The following DDX19A variants were observed in gnomAD, a reference collection of about 807,000 sequenced individuals.
DDX19A encodes DEAD-box helicase 19A.
DDX19A carries 12 observed loss-of-function variants against 60.6 expected under a neutral mutation model. The observed-to-expected ratio is 0.20, with a 90% CI of 0.13 to 0.32. DDX19A has a LOEUF of 0.32. Ranked by LOEUF, DDX19A falls within the 10% of genes least tolerant of loss-of-function variation. DDX19A has a pLI of 1.00. For missense variants in DDX19A, 337 were observed against 600.6 expected, an observed-to-expected ratio of 0.56 and a Z score of 4.59; for synonymous variants, 206 against 218.2, an observed-to-expected ratio of 0.94 and a Z score of 0.49.
At chr16:70,371,898 G>A (rs772821128) in intron 11 of DDX19A, 27 bp from the exon 12 acceptor site, 1 of 1,614,018 alleles carries the variant, frequency 6.2e-7, no homozygotes, top group Non-Finnish European at 8.5e-7. Flanking sequence ...CCTGGGCAGG[G>A]TAGAGACTTG....
chr16:70,352,283 C>CTTTTT (rs58812314), intron 2 of DDX19A, among the ~76,000 whole-genome samples: 2 of 135,340 alleles, frequency 1.5e-5, no homozygotes, highest in Non-Finnish European at 3.2e-5. Flanking sequence ...TCATCCATGT[C>CTTTTT]TTTTTTTTTT....
At chr16:70,352,105 C>T (rs774359467) in intron 2 of DDX19A, among the ~76,000 whole-genome samples, 1 of 152,084 alleles carries the variant, frequency 6.6e-6, no homozygotes, top group Non-Finnish European at 1.5e-5. Context: ...TAAGTAGCCA[C>T]TGTTCATGGA....
intron 4 of DDX19A, 38 bp from the exon 5 acceptor site, chr16:70,361,380 C>T (rs1485663440): frequency 6.9e-7 from 1 of 1,457,916 alleles, no homozygotes; most frequent in South Asian, 1.1e-5. Flanking sequence ...ACAATTCTAA[C>T]TTCTAGGCAT....
chr16:70,368,800 A>C (rs1035735030), intron 9 of DDX19A, among the ~76,000 whole-genome samples: 1 of 152,098 alleles, frequency 6.6e-6, no homozygotes, highest in Non-Finnish European at 1.5e-5. Flanking sequence ...AAGACTCCTA[A>C]ATCTAGAAGA....
At chr16:70,350,848 ATTAT>A (rs200007299) in intron 2 of DDX19A, among the ~76,000 whole-genome samples, 71,703 of 143,886 alleles carry the variant, frequency 0.5, 18,160 homozygotes, top group Admixed American at 0.57. Flanking sequence ...ATTTTGGCAA[ATTAT>A]TTATTTATTT....
chr16:70,372,008 G>A lies in DDX19A; in HGVS notation c.*22G>A. 2 of 1,613,992 alleles carry A rather than the reference G, an allele frequency of 1.2e-6. No individual in the cohort carries two copies. The highest frequency in any genetic ancestry group is 1.7e-6 in the Non-Finnish European group (2 of 1,179,862). On this transcript the variant is annotated 3_prime_UTR_variant, in exon 12 of 12. Coordinates refer to ENST00000302243, the MANE Select transcript of DDX19A (RefSeq NM_018332.5). Reference sequence around the variant, plus strand: ...CTGAGAAGCTCCACCAGCCACTGATGCCAGCCCTGGCACTGCCCCTGCACA... The same window carrying A: ...CTGAGAAGCTCCACCAGCCACTGATACCAGCCCTGGCACTGCCCCTGCACA...
At chr16:70,358,413 T>C (rs1026490450) in intron 4 of DDX19A, among the ~76,000 whole-genome samples, 34 of 151,752 alleles carry the variant, frequency 2.2e-4, no homozygotes, top group African/African-American at 8.0e-4. Flanking sequence ...CAAAGAGTCC[T>C]CCTGCCTCAG....
intron 10 of DDX19A, chr16:70,371,103 C>T (rs1964672245): frequency 3.3e-6 from 2 of 599,876 alleles, no homozygotes; most frequent in South Asian, 4.1e-5. Context: ...GGAGCCTACT[C>T]TTCCAGGGGC....
At chr16:70,356,360 T>A in intron 4 of DDX19A, 113 bp downstream of exon 4, 1 of 1,513,800 alleles carries the variant, frequency 6.6e-7, no homozygotes, top group Non-Finnish European at 8.9e-7. Context: ...GTGTATTTTT[T>A]CCTTTTTTTT....
At position 70,366,423 on chromosome 16, in the gene DDX19A, C is replaced by A. The variant is rs1000209904; in HGVS notation, c.782+161C>A. On this transcript the variant is annotated intron_variant, in intron 8 of 11. Transcript: ENST00000302243. The stretch of plus-strand genomic sequence containing the variant: ...TTCCATGTCAGCGCTGATCACAGTC[C>A]CTCCCAACCTGGGTTGAGAAAGGAG... 3 of 1,267,764 alleles carry A rather than the reference C, an allele frequency of 2.4e-6. No individual in the cohort carries two copies. The African/African-American group carries it at 4.5e-5, about 19-fold the overall frequency. The allele number at this position is 1,267,764 out of a possible 1,614,324, so 78.5% of individuals were successfully genotyped here.
intron 5 of DDX19A, chr16:70,363,666 T>C (rs1964435385): frequency 6.6e-6 from 1 of 151,978 alleles, no homozygotes; most frequent in African/African-American, 2.4e-5. Context: ...AGGTGGGGTT[T>C]CACCATGTTG....
At chr16:70,360,914 G>C (rs1001541409) in intron 4 of DDX19A, 4 of 162,042 alleles carry the variant, frequency 2.5e-5, no homozygotes, top group Non-Finnish European at 5.3e-5. Flanking sequence ...GCTATTTTTT[G>C]TATTTTTTTG....
chr16:70,372,021 C>A lies in DDX19A; in HGVS notation c.*35C>A. On this transcript the variant is annotated 3_prime_UTR_variant, in exon 12 of 12. Coordinates refer to ENST00000302243, the MANE Select transcript of DDX19A (RefSeq NM_018332.5). ...CCAGCCACTGATGCCAGCCCTGGCACTGCCCCTGCACAGGAGACAAGTGCA... is the reference window on the plus strand; with the variant it reads ...CCAGCCACTGATGCCAGCCCTGGCAATGCCCCTGCACAGGAGACAAGTGCA... The A allele has an allele frequency of 6.2e-7, 1 of 1,613,786 alleles. No homozygotes were observed. The highest frequency in any genetic ancestry group is 8.5e-7 in the Non-Finnish European group (1 of 1,179,654).
chr16:70,369,271 C>A (rs1250658480), intron 9 of DDX19A, among the ~76,000 whole-genome samples: 1 of 149,520 alleles, frequency 6.7e-6, no homozygotes, highest in African/African-American at 2.5e-5. Flanking sequence ...CCTCTGCCTC[C>A]CGGGTTCAAG....
rs112779389 is a variant in DDX19A, at chr16:70,356,091, C to T, written c.158-21C>T. 1,342 of 1,612,924 alleles carry T rather than the reference C, an allele frequency of 8.3e-4. 9 individuals carry two copies. In the African/African-American group the frequency reaches 0.014, roughly 16 times the overall value. ...GGGTTTGCCAGATGAGTATGAAGATCTACTGGTTTCTTCCTGACAGAGGAC... is the reference window on the plus strand; with the variant it reads ...GGGTTTGCCAGATGAGTATGAAGATTTACTGGTTTCTTCCTGACAGAGGAC... On this transcript the variant is annotated intron_variant, in intron 3 of 11. Transcript: ENST00000302243.
chr16:70,350,229 G>T (rs1272918503), intron 1 of DDX19A, among the ~76,000 whole-genome samples: 1 of 152,168 alleles, frequency 6.6e-6, no homozygotes, highest in Non-Finnish European at 1.5e-5. Flanking sequence ...CTCCAGCCTA[G>T]GTGACAGAGT....
chr16:70,354,921 C>A (rs976700902), intron 2 of DDX19A, among the ~76,000 whole-genome samples: 1 of 151,832 alleles, frequency 6.6e-6, no homozygotes, highest in Non-Finnish European at 1.5e-5. Context: ...AGGATCACTT[C>A]AGCTCAGGAG....
chr16:70,370,542 C>T (rs1964653220), intron 10 of DDX19A, 157 bp downstream of exon 10: 1 of 1,247,582 alleles, frequency 8.0e-7, no homozygotes, highest in Non-Finnish European at 1.1e-6. Context: ...TTGGATTTCC[C>T]TGAGGTGGTA....
chr16:70,372,435 C>G lies in DDX19A; in HGVS notation c.*449C>G. On this transcript the variant is annotated 3_prime_UTR_variant, in exon 12 of 12. Coordinates refer to ENST00000302243, the MANE Select transcript of DDX19A (RefSeq NM_018332.5). Reference sequence around the variant, plus strand: ...GTGGCAGCAGAGAGGCCAGAGCTGCCCCCTCTCTGTCTCTTCAATGGACCC... The same window carrying G: ...GTGGCAGCAGAGAGGCCAGAGCTGCGCCCTCTCTGTCTCTTCAATGGACCC... The G allele has an allele frequency of 4.6e-6, 1 of 217,422 alleles. No individual in the cohort carries two copies. Among genetic ancestry groups the G allele is most frequent in the Non-Finnish European group, 9.2e-6 (1 of 108,114 alleles). 13.5% of individuals were successfully genotyped at this position (217,422 alleles called of 1,614,324 possible). A position where few individuals can be genotyped will look rare whatever the true frequency, so the allele number is the denominator to read the frequency against.
Sources: allele counts gnomAD v4.1 joint callset (sites outside exome capture counted in the v4.1 genomes callset), GRCh38; gene constraint gnomAD v4.1.1; transcripts MANE v1.5; gene names NCBI Gene and HGNC (gene_info 2026-07-23, HGNC 2026-07-21).